Variants in SLC35E4 observed in about 807,000 individuals in gnomAD.
The protein encoded by SLC35E4 is solute carrier family 35 member E4, also known as solute carrier family 35, member E4.
A neutral mutation model predicts 19.3 loss-of-function variants in SLC35E4; 15 were observed. The ratio of observed to expected loss-of-function variants is 0.78; its 90% CI spans 0.52 to 1.20. SLC35E4 has a LOEUF of 1.20. SLC35E4 is among the 50% of genes most tolerant of loss of function. The pLI is 0.00. For synonymous variants in SLC35E4, 219 were observed against 219.9 expected, an observed-to-expected ratio of 1.00 and a Z score of 0.04; for missense variants, 406 against 472.3, an observed-to-expected ratio of 0.86 and a Z score of 1.30.
At chr22:30,644,676 A>G (rs1404561828) in intron 1 of SLC35E4, among the ~76,000 whole-genome samples, 1 of 152,192 alleles carries the variant, frequency 6.6e-6, no homozygotes, top group Admixed American at 6.5e-5. Flanking sequence ...CTCGGAAGGC[A>G]GTAAACTGAC....
At chr22:30,650,911 G>A (rs977712027), downstream of SLC35E4, among the ~76,000 whole-genome samples, 8 of 151,966 alleles carry the variant, frequency 5.3e-5, no homozygotes, top group African/African-American at 1.5e-4. Context: ...TGTGGACTTC[G>A]AAACAAAGAC....
At chr22:30,653,372 TTC>T (rs939396294) in intron 2 of SLC35E4, among the ~76,000 whole-genome samples, 3 of 149,710 alleles carry the variant, frequency 2.0e-5, no homozygotes, top group African/African-American at 7.4e-5. Flanking sequence ...CCCTTCCTCC[TTC>T]TTTTTTTTTT....
chr22:30,656,603 T>C (rs566099445), intron 2 of SLC35E4, among the ~76,000 whole-genome samples: 4 of 152,314 alleles, frequency 2.6e-5, no homozygotes, highest in African/African-American at 9.6e-5. Flanking sequence ...ACCACTTCTT[T>C]CTCCCCTACT....
intron 1 of SLC35E4, among the ~76,000 whole-genome samples, chr22:30,646,197 G>A (rs2088126179): frequency 6.6e-6 from 1 of 152,250 alleles, no homozygotes; most frequent in Non-Finnish European, 1.5e-5. Context: ...GTGGGAGGCA[G>A]TTTGAAGTGG....
At chr22:30,663,911 A>G (rs2088563322), downstream of SLC35E4, 10 of 1,614,204 alleles carry the variant, frequency 6.2e-6, no homozygotes, top group Non-Finnish European at 8.5e-6. Flanking sequence ...CGGCCACACC[A>G]TTGCTGATAT....
rs1307675179 is a variant in SLC35E4, at chr22:30,636,745, C to T, written c.295C>T (p.Arg99Trp). The change falls in exon 1 of 2, where the codon CGG (arginine) becomes TGG (tryptophan). Residue 99 changes from arginine to tryptophan, a missense_variant. Arg to Trp is a moderately radical substitution (Grantham distance 101). Coordinates refer to ENST00000343605, the MANE Select transcript of SLC35E4 (RefSeq NM_001001479.4). ...VAALACHRGA[R>W]RPMPGGTRCR... ...AGCCCTGGCATGCCACCGGGGGGCA[C>T]GGCGCCCCATGCCAGGCGGCACTCG... is the stretch of plus-strand genomic sequence containing the variant. 1.2e-6 allele frequency: 2 copies of T among 1,612,010 alleles called. No individual in the cohort carries two copies. Among genetic ancestry groups the T allele is most frequent in the South Asian group, 1.1e-5 (1 of 90,944 alleles).
intron 1 of SLC35E4, among the ~76,000 whole-genome samples, chr22:30,638,674 T>C (rs926573999): frequency 1.4e-5 from 2 of 139,138 alleles, no homozygotes; most frequent in Admixed American, 1.5e-4. Context: ...TAGCTGAGCG[T>C]GATGGTGGGC....
chr22:30,654,520 G>A (rs775535500), intron 2 of SLC35E4: 86 of 428,926 alleles, frequency 2.0e-4, no homozygotes, highest in Non-Finnish European at 3.5e-4. Context: ...GGTCTTGGGC[G>A]GCCTGGCTTC....
Position 30,636,916 on chromosome 22 carries a change from G to GGCC in SLC35E4, c.473_475dup (p.Arg158dup), listed in dbSNP as rs757838572. ...CCTGGCCCTGTCGGCGCTGCTGCTGGGCCGCCGCCACCACCCACTTCAGTT... is the reference window on the plus strand; with the variant it reads ...CCTGGCCCTGTCGGCGCTGCTGCTGGGCCGCCGCCGCCACCACCCACTTCAGTT... On this transcript the variant is annotated inframe_insertion, in exon 1 of 2. Coordinates refer to ENST00000343605, the MANE Select transcript of SLC35E4 (RefSeq NM_001001479.4). The GGCC allele has an allele frequency of 6.2e-7, 1 of 1,611,300 alleles. No homozygotes were observed. Among genetic ancestry groups the GGCC allele is most frequent in the African/African-American group, 1.3e-5 (1 of 75,022 alleles).
At chr22:30,651,423 ATATATTTTTTTTTTTTTTTTT>A (rs1212165326), downstream of SLC35E4, among the ~76,000 whole-genome samples, 155 of 37,446 alleles carry the variant, frequency 4.1e-3, no homozygotes, top group East Asian at 0.029. Flanking sequence ...ATATATATAT[ATATATTTTTTTTTTTTTTTTT>A]TTTTTTTTTT....
chr22:30,638,630 G>A (rs562865394), intron 1 of SLC35E4, among the ~76,000 whole-genome samples: 7 of 151,750 alleles, frequency 4.6e-5, no homozygotes, highest in African/African-American at 1.7e-4. Context: ...TGGCCAACAT[G>A]GGGAAACCCT....
intron 2 of SLC35E4, among the ~76,000 whole-genome samples, chr22:30,657,262 C>T (rs2088356362): frequency 7.7e-6 from 1 of 130,142 alleles, no homozygotes; most frequent in Non-Finnish European, 1.6e-5. Flanking sequence ...CGGTGAAACC[C>T]TGTCTCTACT....
downstream of SLC35E4, among the ~76,000 whole-genome samples, chr22:30,651,422 T>C (rs34974657): frequency 9.5e-3 from 446 of 47,056 alleles, 2 homozygotes; most frequent in Non-Finnish European, 0.015. Flanking sequence ...TATATATATA[T>C]ATATATTTTT....
chr22:30,664,004 CA>C (rs1440953114), downstream of SLC35E4: 7 of 1,610,652 alleles, frequency 4.3e-6, no homozygotes, highest in Admixed American at 1.2e-4. Flanking sequence ...GTGCTGTCAT[CA>C]AGGCGGTGGG....
chr22:30,663,885 A>G (rs1189345161), downstream of SLC35E4: 5 of 1,614,108 alleles, frequency 3.1e-6, no homozygotes, highest in Non-Finnish European at 3.4e-6. Context: ...GCTAGACAGC[A>G]TGAGCTTGTT....
intron 2 of SLC35E4, among the ~76,000 whole-genome samples, chr22:30,657,154 G>A (rs1054763866): frequency 3.3e-5 from 5 of 152,016 alleles, no homozygotes; most frequent in Non-Finnish European, 7.4e-5. Context: ...AAATTTCTGG[G>A]CTGGGTGCAG....
intron 1 of SLC35E4, among the ~76,000 whole-genome samples, chr22:30,643,045 A>T (rs890191873): frequency 1.8e-4 from 27 of 151,928 alleles, no homozygotes; most frequent in Non-Finnish European, 3.5e-4. Context: ...AAAAAAAAAA[A>T]AAGTATCCAG....
intron 2 of SLC35E4, among the ~76,000 whole-genome samples, chr22:30,653,318 G>A (rs2088261915): frequency 2.0e-5 from 3 of 151,694 alleles, no homozygotes; most frequent in Admixed American, 2.0e-4. Flanking sequence ...TCAGTGTCTA[G>A]GTCTCCTGCT....
downstream of SLC35E4, chr22:30,665,152 C>T (rs376066047): frequency 8.3e-5 from 14 of 168,730 alleles, no homozygotes; most frequent in South Asian, 2.8e-4. Context: ...TTATACATTC[C>T]GCTGAAATAG....
Sources: allele counts gnomAD v4.1 joint callset (sites outside exome capture counted in the v4.1 genomes callset), GRCh38; gene constraint gnomAD v4.1.1; transcripts MANE v1.5; gene names NCBI Gene and HGNC (gene_info 2026-07-23, HGNC 2026-07-21).